Variants in BICDL2 observed in about 807,000 individuals in gnomAD.
BICDL2 encodes the protein BICD family like cargo adaptor 2, also known as BICD family-like cargo adapter 2.
In BICDL2, 62 loss-of-function variants were observed where a neutral mutation model predicts 56.6. The ratio of observed to expected loss-of-function variants is 1.10; its 90% confidence interval spans 0.89 to 1.35. BICDL2 has a LOEUF of 1.35. Ranked by LOEUF, BICDL2 falls within the 40% of genes most tolerant of loss-of-function variation. The pLI, the probability that BICDL2 is intolerant of heterozygous loss-of-function variation, is 0.00. For synonymous variants in BICDL2, 358 were observed against 319.8 expected (o/e 1.12, Z -1.27); for missense variants, 808 against 684.5 (o/e 1.18, Z -2.01).
chr16:3,029,829 C>T, intron 5 of BICDL2, 90 bp from the exon 6 acceptor site: 1 of 1,138,046 alleles, frequency 8.8e-7, no homozygotes, highest in South Asian at 1.6e-5. Context: ...GGGGGTGCCG[C>T]GGAGAGCCCC....
Position 3,035,241 on chromosome 16 carries a change from T to G in BICDL2, c.256A>C (p.Ser86Arg). 1 of 1,339,112 alleles carries G rather than the reference T, an allele frequency of 7.5e-7. No homozygotes were observed. The highest frequency in any genetic ancestry group is 9.8e-7 in the Non-Finnish European group (1 of 1,015,840). 83.0% of individuals were successfully genotyped at this position (1,339,112 alleles called of 1,614,324 possible). Residue 86 changes from serine to arginine, a missense_variant, in exon 2 of 10, where the codon AGC (serine) becomes CGC (arginine). By Grantham distance (110) the Ser-to-Arg change is moderately radical. Coordinates refer to ENST00000572449, the MANE Select transcript of BICDL2 (RefSeq NM_001369667.1). ...TCCTCACGCTCCAAGTGCTGGGCGC[T>G]CAGCGTCTCCAGCTGCCGCCGCAGC... ...EELRRQLETL[S>R]AQHLEREERL...
intron 2 of BICDL2, among the ~76,000 whole-genome samples, chr16:3,033,925 T>A (rs1955691625): frequency 6.6e-6 from 1 of 151,962 alleles, no homozygotes; most frequent in East Asian, 1.9e-4. Flanking sequence ...CCACTTGTGT[T>A]GAGATGCCCA....
In BICDL2 at chr16:3,028,145, G is replaced by T. The variant is rs773611651; in HGVS notation, c.1488C>A (p.Pro496=). 1.4e-6 allele frequency: 2 copies of T among 1,438,694 alleles called. No homozygotes were observed. The highest frequency in any genetic ancestry group is 1.8e-6 in the Non-Finnish European group (2 of 1,103,254). 89.1% of individuals were successfully genotyped at this position (1,438,694 alleles called of 1,614,324 possible). A position where few individuals can be genotyped will look rare whatever the true frequency, so the allele number is the denominator to read the frequency against. Residue 496 remains proline, a synonymous_variant, in exon 10 of 10, where the codon CCC becomes CCA. Coordinates refer to ENST00000572449, the MANE Select transcript of BICDL2 (RefSeq NM_001369667.1). ...AGAGGTTACTGAGAAAGCCACCGGC[G>T]GGCCCGGGGCCCAGGCGCAGCGAGA... ...PRFSLRLGPG[P]AGGFLSNLFR...
intron 2 of BICDL2, chr16:3,031,549 A>G: frequency 4.8e-6 from 2 of 419,456 alleles, no homozygotes; most frequent in Non-Finnish European, 8.4e-6. Context: ...GACTCTGCCC[A>G]GCCCCCTCCC....
chr16:3,032,841 G>A (rs1955677118), intron 2 of BICDL2: 1 of 152,224 alleles, frequency 6.6e-6, no homozygotes, highest in Non-Finnish European at 1.5e-5. Context: ...GTGCTGCTGT[G>A]ATGAGGTCGG....
Position 3,029,623 on chromosome 16 carries a change from G to C in BICDL2, c.879C>G (p.Ala293=). 2.0e-6 allele frequency: 3 copies of C among 1,537,350 alleles called. No individual in the cohort carries two copies. Among genetic ancestry groups the C allele is most frequent in the Non-Finnish European group, 2.6e-6 (3 of 1,145,720 alleles). The change falls in exon 6 of 10, where the codon GCC becomes GCG. Residue 293 remains alanine (A), a synonymous_variant. Transcript: ENST00000572449. ...TGTGGGCCAGTTCTGACTGCAACGA[G>C]GCAGCCGACACGTCGGCGTCCTGGA... is the stretch of plus-strand genomic sequence containing the variant. ...SRLQDADVSA[A]SLQSELAHSL... is the part of the protein sequence containing the mutation.
chr16:3,028,571 C>A (rs544223381), intron 8 of BICDL2, 103 bp from the exon 9 acceptor site: 107 of 1,530,832 alleles, frequency 7.0e-5, no homozygotes, highest in Non-Finnish European at 8.6e-5. Flanking sequence ...GCTGCAAACA[C>A]CTAGATCAAG....
Position 3,028,694 on chromosome 16 carries a change from GCTTA to G in BICDL2, c.1238+2_1238+5del. 2 of 1,570,596 alleles carry G rather than the reference GCTTA, an allele frequency of 1.3e-6. No individual in the cohort carries two copies. The highest frequency in any genetic ancestry group is 2.3e-5 in the South Asian group (2 of 85,412). ...CTGGGGCGGTGGTCAATGGCTTGAGGCTTACTTGTTCACGGCCTCGTCCCGGTCT... is the reference window on the plus strand; with the variant it reads ...CTGGGGCGGTGGTCAATGGCTTGAGGCTTGTTCACGGCCTCGTCCCGGTCT... On this transcript the variant is annotated splice_donor_variant and splice_donor_5th_base_variant and intron_variant, in intron 8 of 9. Coordinates refer to ENST00000572449, the MANE Select transcript of BICDL2 (RefSeq NM_001369667.1). LOFTEE classifies it high-confidence loss of function.
chr16:3,028,293 G>C lies in BICDL2; in HGVS notation c.1360-20C>G, dbSNP rs952148227. The C allele has an allele frequency of 6.6e-7, 1 of 1,524,798 alleles. No individual in the cohort carries two copies. Among genetic ancestry groups the C allele is most frequent in the Admixed American group, 2.1e-5 (1 of 47,624 alleles). 94.5% of individuals were successfully genotyped at this position (1,524,798 alleles called of 1,614,324 possible). ...GTCGTCCTGCGGGAGGCCGTGGTCG[G>C]CTCAGCGCCGGTCCCGCCCCTTGCC... is the stretch of plus-strand genomic sequence containing the variant. On this transcript the variant is annotated intron_variant, in intron 9 of 9. Transcript: ENST00000572449.
At position 3,035,177 on chromosome 16, in the gene BICDL2, G is replaced by GTCCCCCCCCC; in HGVS notation, c.282+37_282+38insGGGGGGGGGA. 7 of 118,826 alleles carry GTCCCCCCCCC rather than the reference G, an allele frequency of 5.9e-5. 2 individuals carry two copies. Among genetic ancestry groups the GTCCCCCCCCC allele is most frequent in the South Asian group, 1.4e-4 (1 of 7,184 alleles). 7.4% of individuals were successfully genotyped at this position (118,826 alleles called of 1,614,324 possible). On this transcript the variant is annotated intron_variant, in intron 2 of 9. Coordinates refer to ENST00000572449, the MANE Select transcript of BICDL2 (RefSeq NM_001369667.1). Reference sequence around the variant, plus strand: ...TCTCCAGGCCCACCCGTCCTCCCCTGCCCACCCACCCACCCACCCCGTCCA... The same window carrying GTCCCCCCCCC: ...TCTCCAGGCCCACCCGTCCTCCCCTGTCCCCCCCCCCCCACCCACCCACCCACCCCGTCCA...
chr16:3,028,305 T>TCCCGCCCCTTGC (rs767181716), intron 9 of BICDL2, 32 bp from the exon 10 acceptor site: 6 of 1,533,058 alleles, frequency 3.9e-6, no homozygotes, highest in African/African-American at 1.4e-5. Context: ...TCAGCGCCGG[T>TCCCGCCCCTTGC]CCCGCCCCTT....
At chr16:3,036,592 C>T (rs1955736009) in intron 1 of BICDL2, 2 of 451,660 alleles carry the variant, frequency 4.4e-6, no homozygotes, top group Non-Finnish European at 8.9e-6. Context: ...CCTGACTTGG[C>T]CCTCGCGGGC....
At chr16:3,036,054 C>G (rs899737550) in intron 1 of BICDL2, 1 of 332,358 alleles carries the variant, frequency 3.0e-6, no homozygotes, top group Admixed American at 4.7e-5. Context: ...GTCTCTCGCC[C>G]TCATTCTCCT....
Position 3,029,300 on chromosome 16 carries a change from C to T in BICDL2, c.1087G>A (p.Val363Met), listed in dbSNP as rs962084287. 2.5e-6 allele frequency: 4 copies of T among 1,611,668 alleles called. No individual in the cohort carries two copies. The East Asian group carries it at 6.7e-5, about 27-fold the overall frequency. ...CCCACCTCATCTTGCAGCTTGGCCA[C>T]TTCCACCTCCTTCTCCTCCAGTATC... ...AEILEEKEVE[V>M]AKLQDEISLQ... Residue 363 changes from valine to methionine, a missense_variant, in exon 7 of 10, where the codon GTG becomes ATG. By Grantham distance (21) the Val-to-Met change is conservative. Coordinates refer to ENST00000572449, the MANE Select transcript of BICDL2 (RefSeq NM_001369667.1).
chr16:3,036,554 C>T, intron 1 of BICDL2: 2 of 452,434 alleles, frequency 4.4e-6, no homozygotes, highest in South Asian at 3.1e-5. Flanking sequence ...CCCAGCCCAG[C>T]CGCCCCCAGG....
intron 2 of BICDL2, among the ~76,000 whole-genome samples, chr16:3,033,729 G>A (rs73497079): frequency 0.016 from 2,416 of 152,106 alleles, 63 homozygotes; most frequent in African/African-American, 0.054. Context: ...AGGTTCCAGT[G>A]AGCTATGATT....
At chr16:3,031,472 T>C (rs1164056912) in intron 2 of BICDL2, 1 of 534,182 alleles carries the variant, frequency 1.9e-6, no homozygotes, top group Non-Finnish European at 3.3e-6. Context: ...CGCCTGAGTC[T>C]GGCAGAGTTC....
At chr16:3,031,495 A>G (rs961000833) in intron 2 of BICDL2, 11 of 506,406 alleles carry the variant, frequency 2.2e-5, no homozygotes, top group African/African-American at 1.5e-4. Flanking sequence ...GCCCCGGCCC[A>G]TGGCAGCACA....
rs1207265253 is a variant in BICDL2, at chr16:3,035,447, C to G, written c.50G>C (p.Gly17Ala). ...PSFPSGPLSG[G>A]ASPSGDEGFF... is the part of the protein sequence containing the mutation. ...GCCCTCGTCGCCGCTGGGAGAGGCG[C>G]CCCCTGAGAGCGGCCCGGACGGGAA... Residue 17 changes from glycine (G) to alanine (A), a missense_variant, in exon 2 of 10, where the codon GGC (glycine) becomes GCC (alanine). Coordinates refer to ENST00000572449, the MANE Select transcript of BICDL2 (RefSeq NM_001369667.1). The G allele has an allele frequency of 4.3e-6, 7 of 1,611,984 alleles. No individual in the cohort carries two copies. The highest frequency in any genetic ancestry group is 1.7e-5 in the Admixed American group (1 of 59,986).
Sources: allele counts gnomAD v4.1 joint callset (sites outside exome capture counted in the v4.1 genomes callset), GRCh38; gene constraint gnomAD v4.1.1; transcripts MANE v1.5; gene names NCBI Gene and HGNC (gene_info 2026-07-23, HGNC 2026-07-21).